GRM5: variants seen among roughly 807,000 people sequenced by gnomAD.
GRM5 encodes the protein glutamate metabotropic receptor 5, also known as metabotropic glutamate receptor 5.
GRM5 carries 19 observed loss-of-function variants against 83.1 expected under a neutral mutation model. The observed-to-expected ratio is 0.23, with a 90% confidence interval of 0.16 to 0.34. GRM5 has a LOEUF of 0.34. Among genes scored for constraint, GRM5 ranks in the 10% least tolerant of loss-of-function variants. The pLI is 1.00. For missense variants in GRM5, 1,160 were observed against 1,588.3 expected (o/e 0.73, Z 4.58); for synonymous variants, 675 against 633.6 (o/e 1.07, Z -0.98).
intron 8 of GRM5, among the ~76,000 whole-genome samples, chr11:88,558,082 CT>C (rs1164353372): frequency 2.0e-5 from 3 of 152,050 alleles, no homozygotes; most frequent in Non-Finnish European, 4.4e-5. Context: ...GGCTTTGTGT[CT>C]TGTTTATCTT....
At chr11:88,730,396 A>C (rs563105454) in intron 3 of GRM5, among the ~76,000 whole-genome samples, 9 of 152,290 alleles carry the variant, frequency 5.9e-5, no homozygotes, top group African/African-American at 2.2e-4. Flanking sequence ...GTGGAGAAAT[A>C]GGAATGCTTT....
intron 8 of GRM5, among the ~76,000 whole-genome samples, chr11:88,566,647 C>A (rs1942882237): frequency 6.6e-6 from 1 of 152,124 alleles, no homozygotes; most frequent in South Asian, 2.1e-4. Flanking sequence ...GAGTTCTTGG[C>A]ATTTTGCTCT....
At position 89,047,932 on chromosome 11, in the gene GRM5, T is replaced by C; in HGVS notation, c.-60A>G. ...TGGTGGGGAAAATTCAGGAGGGTTC[T>C]GATAGCTACGAACAAGCGATGTCCT... On this transcript the variant is annotated 5_prime_UTR_variant, in exon 2 of 10. Coordinates refer to ENST00000305447, the MANE Select transcript of GRM5 (RefSeq NM_001143831.3). The surrounding 1 kb of genome is among the most constrained non-coding windows in gnomAD (Gnocchi z 5.1). 2 of 1,305,618 alleles carry C rather than the reference T, an allele frequency of 1.5e-6. No individual in the cohort carries two copies. Among genetic ancestry groups the C allele is most frequent in the Non-Finnish European group, 2.2e-6 (2 of 914,220 alleles). 80.9% of individuals were successfully genotyped at this position (1,305,618 alleles called of 1,614,324 possible).
chr11:89,038,429 A>T (rs1183258019), intron 2 of GRM5, among the ~76,000 whole-genome samples: 1 of 151,980 alleles, frequency 6.6e-6, no homozygotes, highest in African/African-American at 2.4e-5. Flanking sequence ...TCCAGCTCTT[A>T]AAAAATTCTG....
intron 1 of GRM5, among the ~76,000 whole-genome samples, chr11:89,057,491 G>A (rs527600495): frequency 4.8e-4 from 73 of 152,260 alleles, no homozygotes; most frequent in African/African-American, 1.3e-3. Flanking sequence ...GATGAAATCT[G>A]TAATTTTATC....
chr11:88,592,174 C>T (rs1937655117), intron 6 of GRM5, among the ~76,000 whole-genome samples: 1 of 152,192 alleles, frequency 6.6e-6, no homozygotes, highest in South Asian at 2.1e-4. Context: ...TTTATAGCCA[C>T]TAAGTAGTTG....
At chr11:88,744,894 T>C (rs1213524085) in intron 3 of GRM5, among the ~76,000 whole-genome samples, 1 of 152,152 alleles carries the variant, frequency 6.6e-6, no homozygotes, top group South Asian at 2.1e-4. Context: ...AGAATATGTA[T>C]CTATATGCTT....
intron 2 of GRM5, among the ~76,000 whole-genome samples, chr11:88,930,712 T>C (rs1937675592): frequency 6.6e-6 from 1 of 152,020 alleles, no homozygotes; most frequent in Non-Finnish European, 1.5e-5. Context: ...CACGCCCAGC[T>C]AATTTTTTGT....
intron 2 of GRM5, among the ~76,000 whole-genome samples, chr11:88,852,043 T>A (rs970740063): frequency 2.6e-5 from 4 of 152,242 alleles, no homozygotes; most frequent in African/African-American, 9.6e-5. Flanking sequence ...ATGTTTTGAT[T>A]TAAGGCAGAG....
At chr11:88,753,071 C>A (rs370088503) in intron 3 of GRM5, among the ~76,000 whole-genome samples, 1 of 152,014 alleles carries the variant, frequency 6.6e-6, no homozygotes, top group Admixed American at 6.6e-5. Context: ...ATGAAATCAC[C>A]AAAAGCAATT....
chr11:88,922,996 C>T (rs1945719609), intron 2 of GRM5, among the ~76,000 whole-genome samples: 1 of 152,006 alleles, frequency 6.6e-6, no homozygotes, highest in Admixed American at 6.6e-5. Flanking sequence ...CATTGATCAT[C>T]AGAGAAATGT....
chr11:89,065,398 T>TG (rs974106971), intron 1 of GRM5, among the ~76,000 whole-genome samples: 1 of 142,142 alleles, frequency 7.0e-6, no homozygotes, highest in Non-Finnish European at 1.5e-5. Flanking sequence ...TTTCCTCCTC[T>TG]GTTTTTTTTT....
At chr11:89,056,265 C>G in intron 1 of GRM5, among the ~76,000 whole-genome samples, 1 of 152,158 alleles carries the variant, frequency 6.6e-6, no homozygotes, top group African/African-American at 2.4e-5. Context: ...AGATCTGTCT[C>G]ATTAACATCA....
intron 2 of GRM5, among the ~76,000 whole-genome samples, chr11:88,901,140 T>C (rs138455200): frequency 0.11 from 17,279 of 152,060 alleles, 1,589 homozygotes; most frequent in African/African-American, 0.23. Flanking sequence ...TGCTGATGGA[T>C]TGGGTAACTT....
intron 3 of GRM5, among the ~76,000 whole-genome samples, chr11:88,722,692 ATTTC>A (rs1197641424): frequency 6.6e-6 from 1 of 152,172 alleles, no homozygotes; most frequent in Non-Finnish European, 1.5e-5. Context: ...CTATGCTATA[ATTTC>A]TTTAATAAGT....
At chr11:88,880,332 GATT>G (rs1255263539) in intron 2 of GRM5, among the ~76,000 whole-genome samples, 3 of 152,114 alleles carry the variant, frequency 2.0e-5, no homozygotes. Flanking sequence ...GCATTGAAGA[GATT>G]ATGGCAATAG....
At chr11:88,670,780 A>G (rs1940171835) in intron 3 of GRM5, among the ~76,000 whole-genome samples, 1 of 152,056 alleles carries the variant, frequency 6.6e-6, no homozygotes, top group Non-Finnish European at 1.5e-5. Context: ...AAAATGGCAA[A>G]AAGTTAAAAA....
chr11:88,983,763 A>G (rs1410453859), intron 2 of GRM5, among the ~76,000 whole-genome samples: 2 of 152,068 alleles, frequency 1.3e-5, no homozygotes, highest in Non-Finnish European at 2.9e-5. Context: ...ATCTATCAGG[A>G]CGTATTCCAG....
At chr11:88,725,130 G>A (rs6483399) in intron 3 of GRM5, among the ~76,000 whole-genome samples, 143,372 of 152,244 alleles carry the variant, frequency 0.94, 67,759 homozygotes, top group South Asian at 0.99. Context: ...GCTAAGATAC[G>A]CTGGTTTAAA....
Sources: allele counts gnomAD v4.1 joint callset (sites outside exome capture counted in the v4.1 genomes callset), GRCh38; gene constraint gnomAD v4.1.1; non-coding constraint Gnocchi (gnomAD v3.1); transcripts MANE v1.5; gene names NCBI Gene and HGNC (gene_info 2026-07-23, HGNC 2026-07-21).